The following PMFBP1 variants were observed in gnomAD, a reference collection of about 807,000 sequenced individuals.
PMFBP1 encodes polyamine modulated factor 1 binding protein 1, also known as polyamine-modulated factor 1-binding protein 1.
A neutral mutation model predicts 137.8 loss-of-function variants in PMFBP1; 131 were observed. The observed-to-expected ratio is 0.95, with a 90% CI of 0.82 to 1.10. The LOEUF is 1.10. Ranked by LOEUF, PMFBP1 falls within the 50% of genes least tolerant of loss-of-function variation. The pLI is 0.00. For missense variants in PMFBP1, 1,199 were observed against 1,175.4 expected (o/e 1.02, Z -0.29); for synonymous variants, 490 against 450.4 (o/e 1.09, Z -1.11).
At chr16:72,153,071 C>G in intron 4 of PMFBP1, among the ~76,000 whole-genome samples, 1 of 152,246 alleles carries the variant, frequency 6.6e-6, no homozygotes, top group Non-Finnish European at 1.5e-5. Flanking sequence ...TTATATGCTG[C>G]TAAATAGAAT....
intron 5 of PMFBP1, among the ~76,000 whole-genome samples, chr16:72,147,231 C>T (rs1373019575): frequency 6.6e-6 from 1 of 152,124 alleles, no homozygotes; most frequent in Non-Finnish European, 1.5e-5. Flanking sequence ...ACATCTACAA[C>T]CCTCTAATCT....
intron 20 of PMFBP1, 141 bp downstream of exon 20, chr16:72,119,710 A>G (rs1332232121): frequency 6.7e-7 from 1 of 1,487,684 alleles, no homozygotes; most frequent in African/African-American, 1.4e-5. Flanking sequence ...CAGATGTGAA[A>G]ACAACGATCT....
chr16:72,123,696 C>A, intron 17 of PMFBP1, 47 bp from the exon 18 acceptor site: 1 of 1,525,008 alleles, frequency 6.6e-7, no homozygotes, highest in Non-Finnish European at 9.0e-7. Flanking sequence ...GGAGCACAGG[C>A]CTGTCAGCCC....
downstream of PMFBP1, among the ~76,000 whole-genome samples, chr16:72,117,565 C>G (rs1011978515): frequency 6.6e-6 from 1 of 152,206 alleles, no homozygotes; most frequent in Admixed American, 6.5e-5. Flanking sequence ...AGTGGCAAAG[C>G]AGGTGTTCTT....
At chr16:72,209,693 A>G in the PMFBP1 span, among the ~76,000 whole-genome samples, 1 of 152,194 alleles carries the variant, frequency 6.6e-6, no homozygotes, top group East Asian at 1.9e-4. Flanking sequence ...GTATTAGTTT[A>G]AGCCCCATGG....
rs572573692 is a variant in PMFBP1 at position 72,128,358 on chromosome 16, C to G, written c.2088+299G>C. ...AAGTGTTCCCTAGCAAATTGCCCCC[C>G]AAAATGGATTCACTCAACTCTGGTC... On this transcript the variant is annotated intron_variant, in intron 14 of 20. Transcript: ENST00000237353. 4 of 1,330,566 alleles carry G rather than the reference C, an allele frequency of 3.0e-6. No homozygotes were observed. In the Admixed American group the frequency reaches 9.4e-5, roughly 31 times the overall value. The allele number at this position is 1,330,566 out of a possible 1,614,324, so 82.4% of individuals were successfully genotyped here.
the PMFBP1 span, among the ~76,000 whole-genome samples, chr16:72,233,024 C>T: frequency 6.6e-6 from 1 of 152,046 alleles, no homozygotes; most frequent in Non-Finnish European, 1.5e-5. Flanking sequence ...AACATAAAAA[C>T]TTACAAAGCC....
chr16:72,178,973 T>C (rs1006667087), upstream of PMFBP1, among the ~76,000 whole-genome samples: 6 of 152,210 alleles, frequency 3.9e-5, no homozygotes, highest in South Asian at 1.2e-3. Flanking sequence ...CACCATAAAC[T>C]CTCCAACATA....
At chr16:72,122,855 C>T (rs148543902) in intron 19 of PMFBP1, 59 bp downstream of exon 19, 2 of 1,523,542 alleles carry the variant, frequency 1.3e-6, no homozygotes, top group East Asian at 2.3e-5. Context: ...GCCCTGGCTC[C>T]CTGCTGACCC....
chr16:72,225,887 C>T, the PMFBP1 span, among the ~76,000 whole-genome samples: 2 of 151,180 alleles, frequency 1.3e-5, no homozygotes, highest in African/African-American at 4.9e-5. Context: ...TTATACCTGA[C>T]ATCACATGTG....
At chr16:72,247,028 C>A in the PMFBP1 span, among the ~76,000 whole-genome samples, 1 of 152,168 alleles carries the variant, frequency 6.6e-6, no homozygotes, top group Non-Finnish European at 1.5e-5. Context: ...ACGATGAAAG[C>A]AGGAAGCTGA....
the PMFBP1 span, among the ~76,000 whole-genome samples, chr16:72,247,699 T>A: frequency 6.6e-6 from 1 of 152,226 alleles, no homozygotes; most frequent in African/African-American, 2.4e-5. Flanking sequence ...TGACTTCATA[T>A]GGGTTTTTGC....
chr16:72,166,394 C>T (rs2043145102), intron 2 of PMFBP1, among the ~76,000 whole-genome samples: 2 of 152,170 alleles, frequency 1.3e-5, no homozygotes, highest in Non-Finnish European at 2.9e-5. Flanking sequence ...TTTCCTTAGG[C>T]CTCCCCAGCT....
chr16:72,198,899 C>A, the PMFBP1 span, among the ~76,000 whole-genome samples: 10 of 149,966 alleles, frequency 6.7e-5, no homozygotes, highest in South Asian at 1.5e-3. Context: ...AGCTTATCAG[C>A]TTCTATGAAG....
At chr16:72,124,333 G>C (rs2042421039) in intron 17 of PMFBP1, among the ~76,000 whole-genome samples, 1 of 152,148 alleles carries the variant, frequency 6.6e-6, no homozygotes. Context: ...TTTGTAATTC[G>C]AGCAAAGGCC....
the PMFBP1 span, among the ~76,000 whole-genome samples, chr16:72,239,067 A>T: frequency 6.6e-6 from 1 of 152,238 alleles, no homozygotes; most frequent in Non-Finnish European, 1.5e-5. Context: ...AAAAATCAAA[A>T]CAAGAATTGT....
chr16:72,169,901 T>C (rs2144526807), intron 2 of PMFBP1, among the ~76,000 whole-genome samples: 1 of 152,310 alleles, frequency 6.6e-6, no homozygotes, highest in Middle Eastern at 3.4e-3. Context: ...GAAGGCTAGA[T>C]TAGTGTTTGC....
At chr16:72,236,521 T>C in the PMFBP1 span, among the ~76,000 whole-genome samples, 1 of 152,168 alleles carries the variant, frequency 6.6e-6, no homozygotes, top group Non-Finnish European at 1.5e-5. Context: ...GCTCATTTTT[T>C]TTAAAAGCCC....
chr16:72,249,472 T>C, the PMFBP1 span, among the ~76,000 whole-genome samples: 1 of 152,150 alleles, frequency 6.6e-6, no homozygotes, highest in African/African-American at 2.4e-5. Context: ...TTTGTTAGTT[T>C]TTTTTAACCT....
Sources: allele counts gnomAD v4.1 joint callset (sites outside exome capture counted in the v4.1 genomes callset), GRCh38; gene constraint gnomAD v4.1.1; transcripts MANE v1.5; gene names NCBI Gene and HGNC (gene_info 2026-07-23, HGNC 2026-07-21).